ANKS1B: variants seen among roughly 807,000 people sequenced by gnomAD.
The protein encoded by ANKS1B is ankyrin repeat and sterile alpha motif domain-containing protein 1B.
ANKS1B carries 36 observed loss-of-function variants against 148.3 expected under a neutral mutation model. The ratio of observed to expected loss-of-function variants is 0.24; its 90% CI spans 0.19 to 0.32. The LOEUF (loss-of-function observed/expected upper bound fraction) is 0.32. ANKS1B is among the 10% of genes least tolerant of loss of function. The pLI, the probability that ANKS1B is intolerant of heterozygous loss-of-function variation, is 1.00. For missense variants in ANKS1B, 1,157 were observed against 1,542.6 expected, an observed-to-expected ratio of 0.75 and a Z score of 4.19; for synonymous variants, 542 against 560.8, an observed-to-expected ratio of 0.97 and a Z score of 0.47.
intron 1 of ANKS1B, among the ~76,000 whole-genome samples, 177 bp downstream of exon 1, chr12:99,983,927 G>A (rs956757290): frequency 6.6e-6 from 1 of 152,244 alleles, no homozygotes; most frequent in South Asian, 2.1e-4. Context: ...AGAATCTAAG[G>A]CATCAATCTG....
Position 99,618,364 on chromosome 12 carries a change from G to A in ANKS1B, c.1272+36703C>T, listed in dbSNP as rs73143603. 3.1e-3 allele frequency among the ~76,000 whole-genome samples: 471 copies of A among 152,198 alleles called. 2 individuals carry two copies. The highest frequency in any genetic ancestry group is 5.4e-3 in the Non-Finnish European group (364 of 68,006). On this transcript the variant is annotated intron_variant, in intron 9 of 26. Coordinates refer to ENST00000683438, the MANE Select transcript of ANKS1B (RefSeq NM_001352186.2). ...CAACATCTTAAAATCTCTATACTGC[G>A]TTTTTTCCCCAACAGGGTTGATTAG...
chr12:99,494,047 A>G (rs1158697208), intron 10 of ANKS1B, among the ~76,000 whole-genome samples: 1 of 152,202 alleles, frequency 6.6e-6, no homozygotes, highest in African/African-American at 2.4e-5. Flanking sequence ...AGCCATCACA[A>G]TAGAGAAGGA....
chr12:98,900,847 A>T (rs1403025276), intron 17 of ANKS1B, among the ~76,000 whole-genome samples: 2 of 152,194 alleles, frequency 1.3e-5, no homozygotes, highest in Non-Finnish European at 2.9e-5. Flanking sequence ...AGGAAAGTAA[A>T]TTAGAGATGG....
intron 15 of ANKS1B, among the ~76,000 whole-genome samples, chr12:99,118,242 T>C (rs972989886): frequency 2.0e-5 from 3 of 152,202 alleles, no homozygotes; most frequent in African/African-American, 7.2e-5. Flanking sequence ...TAGTGGTTGT[T>C]GGGAAAATAT....
intron 10 of ANKS1B, among the ~76,000 whole-genome samples, chr12:99,448,418 A>G (rs2095671255): frequency 6.6e-6 from 1 of 152,182 alleles, no homozygotes; most frequent in East Asian, 1.9e-4. Flanking sequence ...AGCAGAGAAT[A>G]GAATGGTGGT....
chr12:99,596,291 G>A (rs1016815561), intron 9 of ANKS1B, among the ~76,000 whole-genome samples: 2 of 151,646 alleles, frequency 1.3e-5, no homozygotes, highest in African/African-American at 4.8e-5. Context: ...TCTTCTCATG[G>A]TATCATCAAT....
chr12:99,178,913 T>C (rs1224493524), intron 14 of ANKS1B, among the ~76,000 whole-genome samples: 1 of 152,098 alleles, frequency 6.6e-6, no homozygotes, highest in Non-Finnish European at 1.5e-5. Context: ...CTCACCCTAA[T>C]GAACTATCAA....
chr12:98,894,835 G>A (rs1272476464), intron 17 of ANKS1B: 1 of 981,910 alleles, frequency 1.0e-6, no homozygotes, highest in Non-Finnish European at 1.2e-6. Flanking sequence ...TGGCCGCGCC[G>A]CGCTGCGCCG....
chr12:99,690,115 A>G (rs2098671030), intron 8 of ANKS1B, among the ~76,000 whole-genome samples: 1 of 152,146 alleles, frequency 6.6e-6, no homozygotes, highest in South Asian at 2.1e-4. Flanking sequence ...GAAATGCCAG[A>G]TGCTTAAAAA....
At chr12:98,773,860 G>T (rs1275925246) in intron 24 of ANKS1B, among the ~76,000 whole-genome samples, 1 of 152,160 alleles carries the variant, frequency 6.6e-6, no homozygotes, top group Admixed American at 6.5e-5. Context: ...TGTATGGAGG[G>T]GAGCATCTGT....
At chr12:99,309,107 C>T (rs1448369572) in intron 12 of ANKS1B, among the ~76,000 whole-genome samples, 1 of 151,664 alleles carries the variant, frequency 6.6e-6, no homozygotes, top group African/African-American at 2.4e-5. Context: ...ATGGTTGCAA[C>T]CTTGTAAATC....
chr12:99,853,499 T>G (rs2088376105), intron 1 of ANKS1B, among the ~76,000 whole-genome samples: 1 of 151,992 alleles, frequency 6.6e-6, no homozygotes, highest in Non-Finnish European at 1.5e-5. Flanking sequence ...TCACTGCAGT[T>G]TGGCTCTCAG....
In ANKS1B at chr12:99,812,699, AT is replaced by A. The variant is rs556735960; in HGVS notation, c.216-389del. On this transcript the variant is annotated intron_variant, in intron 2 of 26. Transcript: ENST00000683438. ...TAAAATGAAGAGGATACCAACTCCC[AT>A]TTTTTTTTTTAAAAAAAGAGCTCTT... Among the ~76,000 whole-genome samples the A allele has an allele frequency of 7.7e-3, 1,142 of 148,402 alleles. 20 individuals are homozygous for A. The highest frequency in any genetic ancestry group is 0.024 in the African/African-American group (987 of 40,748).
intron 11 of ANKS1B, among the ~76,000 whole-genome samples, chr12:99,439,344 T>C (rs1299742344): frequency 6.6e-6 from 1 of 151,652 alleles, no homozygotes; most frequent in Non-Finnish European, 1.5e-5. Flanking sequence ...AAAAGGCACT[T>C]GAGAAAATGT....
At chr12:99,707,244 A>G (rs1311156384) in intron 8 of ANKS1B, among the ~76,000 whole-genome samples, 1 of 152,086 alleles carries the variant, frequency 6.6e-6, no homozygotes, top group African/African-American at 2.4e-5. Flanking sequence ...TGCATCATCC[A>G]GCTACTTAAG....
At chr12:99,745,548 C>A (rs375745272) in intron 8 of ANKS1B, among the ~76,000 whole-genome samples, 4 of 152,256 alleles carry the variant, frequency 2.6e-5, no homozygotes, top group East Asian at 1.9e-4. Flanking sequence ...CTACAAACAG[C>A]AGCCTCAATT....
intron 25 of ANKS1B, among the ~76,000 whole-genome samples, chr12:98,761,579 T>C (rs1001684513): frequency 4.6e-5 from 7 of 152,196 alleles, no homozygotes; most frequent in African/African-American, 1.7e-4. Context: ...TTTTAGCCTA[T>C]ATTTTCCCTA....
intron 9 of ANKS1B, among the ~76,000 whole-genome samples, chr12:99,610,711 C>T (rs965682605): frequency 6.6e-6 from 1 of 152,028 alleles, no homozygotes; most frequent in Non-Finnish European, 1.5e-5. Context: ...ATTTTCTGAG[C>T]CCCAACAATC....
intron 17 of ANKS1B, among the ~76,000 whole-genome samples, chr12:98,842,877 T>A (rs2099415351): frequency 6.6e-6 from 1 of 152,304 alleles, no homozygotes; most frequent in South Asian, 2.1e-4. Flanking sequence ...CACAATACAG[T>A]AAATTAGTAC....
Sources: gnomAD v4.1 joint callset for allele counts (sites outside exome capture counted in the v4.1 genomes callset) on GRCh38, gnomAD v4.1.1 for gene constraint, MANE v1.5 for transcripts, NCBI Gene and HGNC (gene_info 2026-07-23, HGNC 2026-07-21) for gene names.